C12orf60: variants seen among roughly 807,000 people sequenced by gnomAD.
The protein encoded by C12orf60 is uncharacterized protein C12orf60.
For synonymous variants in C12orf60, 102 were observed against 94.6 expected (o/e 1.08, Z -0.45); for missense variants, 284 against 283.2 (o/e 1.00, Z -0.02).
chr12:14,821,127 G>A (rs1467344584), intron 1 of C12orf60, among the ~76,000 whole-genome samples: 1 of 151,932 alleles, frequency 6.6e-6, no homozygotes, highest in East Asian at 1.9e-4. Flanking sequence ...TTAGTTTTCT[G>A]TTTTTCTGTT....
At chr12:14,813,895 C>G (rs1167067639) in intron 1 of C12orf60, among the ~76,000 whole-genome samples, 1 of 152,154 alleles carries the variant, frequency 6.6e-6, no homozygotes, top group Non-Finnish European at 1.5e-5. Flanking sequence ...CTTAATCAGT[C>G]CTAGAAATTG....
chr12:14,806,703 A>G (rs1372241934), intron 1 of C12orf60: 1 of 1,552,564 alleles, frequency 6.4e-7, no homozygotes, highest in Non-Finnish European at 8.7e-7. Flanking sequence ...ATCGCTGAAA[A>G]ATAAAATGGT....
At chr12:14,821,594 C>G (rs1950305945) in intron 1 of C12orf60, among the ~76,000 whole-genome samples, 1 of 152,222 alleles carries the variant, frequency 6.6e-6, no homozygotes, top group South Asian at 2.1e-4. Context: ...AGAAGTCTTT[C>G]AGCTACGTAA....
At chr12:14,806,713 T>G (rs2137254590) in intron 1 of C12orf60, 1 of 1,542,168 alleles carries the variant, frequency 6.5e-7, no homozygotes, top group South Asian at 1.3e-5. Flanking sequence ...AATAAAATGG[T>G]AAATTTTTAC....
intron 1 of C12orf60, among the ~76,000 whole-genome samples, chr12:14,820,078 C>G (rs1321987944): frequency 1.3e-5 from 2 of 152,044 alleles, no homozygotes; most frequent in Non-Finnish European, 2.9e-5. Context: ...TTTGTTTCTA[C>G]TTGGAAGAGT....
Position 14,823,172 on chromosome 12 carries a change from C to A in C12orf60, c.237C>A (p.Asp79Glu), listed in dbSNP as rs2137289996. ...AATCTGTAGTGGATGCAAGACATGA[C>A]AAAATTCAAAAGGAGTCTTTATGTT... is the stretch of plus-strand genomic sequence containing the variant. ...EMQSVVDARH[D>E]KIQKESLCSK... The change falls in exon 2 of 2, where the codon GAC (aspartate) becomes GAA (glutamate). Residue 79 changes from aspartate (D) to glutamate (E), a missense_variant. Coordinates refer to ENST00000330828, the MANE Select transcript of C12orf60 (RefSeq NM_175874.4). 1 of 1,614,080 alleles carries A rather than the reference C, an allele frequency of 6.2e-7. No individual in the cohort carries two copies. The highest frequency in any genetic ancestry group is 2.2e-5 in the East Asian group (1 of 44,878).
At chr12:14,814,238 CTT>C (rs796183681) in intron 1 of C12orf60, 30 of 152,304 alleles carry the variant, frequency 2.0e-4, no homozygotes, top group African/African-American at 6.7e-4. Flanking sequence ...GACTTACAGA[CTT>C]TGCTAGTCTC....
At chr12:14,804,011 G>C (rs1039132922) in intron 1 of C12orf60, among the ~76,000 whole-genome samples, 2 of 152,142 alleles carry the variant, frequency 1.3e-5, no homozygotes, top group Admixed American at 6.5e-5. Context: ...AGAACAGAAC[G>C]TTTGTAGACC....
Position 14,823,432 on chromosome 12 carries a change from A to T in C12orf60, c.497A>T (p.Asp166Val), listed in dbSNP as rs367639650. The T allele has an allele frequency of 6.2e-7, 1 of 1,613,994 alleles. No individual in the cohort carries two copies. Among genetic ancestry groups the T allele is most frequent in the Admixed American group, 1.7e-5 (1 of 60,022 alleles). The change falls in exon 2 of 2, where the codon GAT (aspartate) becomes GTT (valine). Residue 166 changes from aspartate to valine, a missense_variant. Transcript: ENST00000330828. ...ACAGAAGACACCAAAGAGCAATCAG[A>T]TGTCACCACATCTGAGAGAACCAGA... Reference protein sequence around the residue: ...FYTEDTKEQSDVTTSERTRSP... With the variant: ...FYTEDTKEQSVVTTSERTRSP...
intron 1 of C12orf60, among the ~76,000 whole-genome samples, chr12:14,810,176 G>A (rs1252834454): frequency 1.3e-5 from 2 of 152,146 alleles, no homozygotes; most frequent in Non-Finnish European, 2.9e-5. Context: ...GGTGGGGAGT[G>A]GGGAGGGTTT....
intron 1 of C12orf60, among the ~76,000 whole-genome samples, chr12:14,806,936 A>G (rs926915376): frequency 6.6e-6 from 1 of 152,118 alleles, no homozygotes; most frequent in Non-Finnish European, 1.5e-5. Flanking sequence ...GGCTCTAGCA[A>G]TTCTCCTGCC....
At chr12:14,806,571 T>G (rs1950054597) in intron 1 of C12orf60, 6 of 1,614,160 alleles carry the variant, frequency 3.7e-6, no homozygotes, top group Non-Finnish European at 5.1e-6. Context: ...AGTCAGCTTA[T>G]TGGTGACATC....
At chr12:14,809,310 C>T (rs1048857401) in intron 1 of C12orf60, among the ~76,000 whole-genome samples, 1 of 152,148 alleles carries the variant, frequency 6.6e-6, no homozygotes, top group African/African-American at 2.4e-5. Flanking sequence ...TTTAGCACAA[C>T]TTCACGAATT....
At chr12:14,816,324 A>G (rs763278990) in intron 1 of C12orf60, among the ~76,000 whole-genome samples, 10 of 152,158 alleles carry the variant, frequency 6.6e-5, no homozygotes, top group Non-Finnish European at 8.8e-5. Flanking sequence ...CTTTTATCCT[A>G]AAGCTCATCC....
At chr12:14,806,126 T>C in intron 1 of C12orf60, 1 of 1,614,142 alleles carries the variant, frequency 6.2e-7, no homozygotes, top group East Asian at 2.2e-5. Flanking sequence ...GAAGCTGTGT[T>C]TTTTCCACTG....
chr12:14,817,387 A>G (rs184974049), intron 1 of C12orf60, among the ~76,000 whole-genome samples: 74 of 152,258 alleles, frequency 4.9e-4, no homozygotes, highest in African/African-American at 1.7e-3. Flanking sequence ...AAGGGAGGAT[A>G]CATGTGCAGA....
intron 1 of C12orf60, among the ~76,000 whole-genome samples, chr12:14,816,421 A>C (rs1950219543): frequency 6.6e-6 from 1 of 152,122 alleles, no homozygotes; most frequent in South Asian, 2.1e-4. Flanking sequence ...TGTTTCAACA[A>C]TTTGCCAGCA....
intron 1 of C12orf60, among the ~76,000 whole-genome samples, chr12:14,817,673 T>C (rs1036722047): frequency 1.3e-5 from 2 of 152,258 alleles, no homozygotes; most frequent in Non-Finnish European, 2.9e-5. Context: ...TTCCTTTTTA[T>C]GGCTGCATGG....
chr12:14,809,741 G>T (rs1012954468), intron 1 of C12orf60, among the ~76,000 whole-genome samples: 1 of 151,954 alleles, frequency 6.6e-6, no homozygotes, highest in Non-Finnish European at 1.5e-5. Flanking sequence ...GCAAAAATTT[G>T]ACTAACAAAG....
Sources: gnomAD v4.1 joint callset for allele counts (sites outside exome capture counted in the v4.1 genomes callset) on GRCh38, gnomAD v4.1.1 for gene constraint, MANE v1.5 for transcripts, NCBI Gene and HGNC (gene_info 2026-07-23, HGNC 2026-07-21) for gene names.